SLC25A18: variants seen among roughly 807,000 people sequenced by gnomAD.
The protein encoded by SLC25A18 is solute carrier family 25 member 18, also known as mitochondrial glutamate carrier 2.
A neutral mutation model predicts 31.1 loss-of-function variants in SLC25A18; 24 were observed. The observed-to-expected ratio is 0.77, with a 90% CI of 0.56 to 1.08. The LOEUF (loss-of-function observed/expected upper bound fraction) is 1.08. Among genes scored for constraint, SLC25A18 ranks in the 50% least tolerant of loss-of-function variants. The pLI is 0.00. For synonymous variants in SLC25A18, 173 were observed against 161.9 expected (o/e 1.07, Z -0.52); for missense variants, 371 against 418.5 (o/e 0.89, Z 0.99).
chr22:17,569,780 A>C, intron 1 of SLC25A18, 144 bp from the exon 2 acceptor site: 5 of 985,324 alleles, frequency 5.1e-6, no homozygotes, highest in Non-Finnish European at 6.0e-6. Context: ...TTTGCTTCAA[A>C]CCCAACCTAT....
intron 1 of SLC25A18, 52 bp from the exon 2 acceptor site, chr22:17,569,854 GAGGGAAACTGACCACAGA>G (rs2057041335): frequency 1.0e-6 from 1 of 985,462 alleles, no homozygotes. Context: ...GAGGCAGAGG[GAGGGAAACTGACCACAGA>G]AGGGAAAACC....
chr22:17,584,014 A>T (rs763951109), intron 7 of SLC25A18: 13 of 973,676 alleles, frequency 1.3e-5, no homozygotes, highest in Non-Finnish European at 1.6e-5. Flanking sequence ...AAATAGCAGA[A>T]ATGAGAATGT....
At chr22:17,568,555 C>CT (rs695361) in intron 1 of SLC25A18, among the ~76,000 whole-genome samples, 19,353 of 62,506 alleles carry the variant, frequency 0.31, 7,394 homozygotes, top group Non-Finnish European at 0.38. Flanking sequence ...TAAAGTACAT[C>CT]TTTTTTTTTT....
At chr22:17,566,290 C>T (rs2056935108) in intron 1 of SLC25A18, among the ~76,000 whole-genome samples, 1 of 152,198 alleles carries the variant, frequency 6.6e-6, no homozygotes, top group South Asian at 2.1e-4. Flanking sequence ...AATGTATCTT[C>T]CTCCTGCTGA....
chr22:17,589,283 C>T (rs1400068045), intron 9 of SLC25A18: 4 of 255,810 alleles, frequency 1.6e-5, no homozygotes, highest in Non-Finnish European at 2.3e-5. Context: ...CTGGTTCAAG[C>T]GATTCTCCTG....
intron 6 of SLC25A18, 59 bp downstream of exon 6, chr22:17,582,712 A>G: frequency 6.9e-7 from 1 of 1,450,014 alleles, no homozygotes; most frequent in South Asian, 1.2e-5. Context: ...GAGAGATGGC[A>G]GGAAGAAGAT....
intron 2 of SLC25A18, among the ~76,000 whole-genome samples, chr22:17,574,510 C>CT (rs57351438): frequency 0.13 from 18,987 of 141,890 alleles, 2,992 homozygotes; most frequent in African/African-American, 0.39. Flanking sequence ...CTTCCTTATT[C>CT]TTTTTTTTTT....
At chr22:17,584,781 CAAAAA>C (rs66948770) in intron 7 of SLC25A18, among the ~76,000 whole-genome samples, 559 of 19,984 alleles carry the variant, frequency 0.028, 1 homozygote, top group African/African-American at 0.074. Context: ...GAATTCATCT[CAAAAA>C]AAAAAAAAAA....
chr22:17,587,970 TAAC>T lies in SLC25A18; in HGVS notation c.625_627del (p.Asn209del), dbSNP rs1186026385. ...TCTACTTCCCACTGTTTGCCAACCTTAACAACCTGGGGTTCAACGAGCTCGCCG... is the reference window on the plus strand; with the variant it reads ...TCTACTTCCCACTGTTTGCCAACCTTAACCTGGGGTTCAACGAGCTCGCCG... On this transcript the variant is annotated inframe_deletion, in exon 9 of 11. Transcript: ENST00000327451. The T allele has an allele frequency of 8.7e-6, 14 of 1,614,054 alleles. No homozygotes were observed. Among genetic ancestry groups the T allele is most frequent in the East Asian group, 2.2e-5 (1 of 44,896 alleles).
intron 1 of SLC25A18, among the ~76,000 whole-genome samples, chr22:17,569,193 A>C (rs2057024566): frequency 6.6e-6 from 1 of 151,640 alleles, no homozygotes; most frequent in Non-Finnish European, 1.5e-5. Flanking sequence ...TATTTTTAGT[A>C]GACACGGGGT....
At chr22:17,581,577 T>A in intron 5 of SLC25A18, 164 bp downstream of exon 5, 1 of 733,244 alleles carries the variant, frequency 1.4e-6, no homozygotes, top group Non-Finnish European at 2.2e-6. Flanking sequence ...CAGCTCTGGG[T>A]CCTGGTAAGG....
chr22:17,581,471 G>A, intron 5 of SLC25A18, 58 bp downstream of exon 5: 3 of 1,584,558 alleles, frequency 1.9e-6, no homozygotes, highest in Non-Finnish European at 2.6e-6. Context: ...ATGGGACATG[G>A]GGAACTGGTG....
chr22:17,581,015 C>T (rs373595602), intron 3 of SLC25A18, 22 bp from the exon 4 acceptor site: 146 of 1,533,920 alleles, frequency 9.5e-5, no homozygotes, highest in African/African-American at 7.3e-4. Context: ...TCTCTCCTCC[C>T]CCTGTCCTCC....
chr22:17,566,829 C>G (rs1163219319), intron 1 of SLC25A18, among the ~76,000 whole-genome samples: 5 of 152,192 alleles, frequency 3.3e-5, no homozygotes, highest in Non-Finnish European at 7.3e-5. Context: ...ATAGCATCCT[C>G]TATCAGCTTT....
chr22:17,573,288 G>A (rs2146220212), intron 2 of SLC25A18, among the ~76,000 whole-genome samples: 1 of 152,288 alleles, frequency 6.6e-6, no homozygotes, highest in South Asian at 2.1e-4. Context: ...GATTCAGGCA[G>A]GGGTGGCCGG....
At position 17,582,616 on chromosome 22, in the gene SLC25A18, G is replaced by A. The variant is rs1193467718; in HGVS notation, c.253G>A (p.Ala85Thr). 4 of 1,605,350 alleles carry A rather than the reference G, an allele frequency of 2.5e-6. No individual in the cohort carries two copies. Among genetic ancestry groups the A allele is most frequent in the Non-Finnish European group, 3.4e-6 (4 of 1,175,622 alleles). The change falls in exon 6 of 11, where the codon GCC (alanine) becomes ACC (threonine). Residue 85 changes from alanine to threonine, a missense_variant. Physicochemically the swap from Ala to Thr is moderately conservative, Grantham distance 58. Coordinates refer to ENST00000327451, the MANE Select transcript of SLC25A18 (RefSeq NM_031481.3). ...VTPEKAIKLA[A>T]NDFFRRLLME... ...TCCAGAGAAGGCCATCAAGCTGGCGGCCAACGACTTTTTCCGGCGGCTGCT... is the reference window on the plus strand; with the variant it reads ...TCCAGAGAAGGCCATCAAGCTGGCGACCAACGACTTTTTCCGGCGGCTGCT...
intron 3 of SLC25A18, 94 bp downstream of exon 3, chr22:17,580,058 TGA>T: frequency 1.5e-6 from 2 of 1,306,258 alleles, no homozygotes; most frequent in Non-Finnish European, 2.2e-6. Flanking sequence ...AAGAACAAGC[TGA>T]GTCCTAGGGA....
chr22:17,566,701 C>G (rs1293573643), intron 1 of SLC25A18, among the ~76,000 whole-genome samples: 1 of 152,200 alleles, frequency 6.6e-6, no homozygotes, highest in East Asian at 1.9e-4. Flanking sequence ...CCCGAGCCAC[C>G]GTGCCTGGCC....
chr22:17,588,128 G>A, intron 9 of SLC25A18, 49 bp downstream of exon 9: 1 of 1,607,886 alleles, frequency 6.2e-7, no homozygotes, highest in Non-Finnish European at 8.5e-7. Flanking sequence ...CAGTAATTTT[G>A]CACTTATAGA....
Sources: allele counts gnomAD v4.1 joint callset (sites outside exome capture counted in the v4.1 genomes callset), GRCh38; gene constraint gnomAD v4.1.1; transcripts MANE v1.5; gene names NCBI Gene and HGNC (gene_info 2026-07-23, HGNC 2026-07-21).